Variants in ATP2B1 observed in about 807,000 individuals in gnomAD.
ATP2B1 encodes plasma membrane calcium-transporting ATPase 1.
In ATP2B1, 14 loss-of-function variants were observed where a neutral mutation model predicts 124.2. The observed-to-expected ratio is 0.11, with a 90% CI of 0.07 to 0.18. The LOEUF (loss-of-function observed/expected upper bound fraction) is 0.18. Among genes scored for constraint, ATP2B1 ranks in the 10% least tolerant of loss-of-function variants. ATP2B1 has a pLI of 1.00. For missense variants in ATP2B1, 763 were observed against 1,466.1 expected (o/e 0.52, Z 7.83); for synonymous variants, 449 against 492.4 (o/e 0.91, Z 1.17).
chr12:89,636,803 C>A (rs1358596332), intron 3 of ATP2B1, among the ~76,000 whole-genome samples: 2 of 152,162 alleles, frequency 1.3e-5, no homozygotes, highest in African/African-American at 4.8e-5. Context: ...GCAGGATAAT[C>A]CAACAGAACC....
intron 12 of ATP2B1, among the ~76,000 whole-genome samples, chr12:89,615,063 G>A (rs1878725916): frequency 6.6e-6 from 1 of 152,032 alleles, no homozygotes; most frequent in African/African-American, 2.4e-5. Context: ...AGATCATCTC[G>A]TCTCCCCTTT....
intron 5 of ATP2B1, among the ~76,000 whole-genome samples, chr12:89,632,556 A>G (rs563533458): frequency 6.6e-6 from 1 of 152,202 alleles, no homozygotes; most frequent in Admixed American, 6.5e-5. Context: ...ACCACAGGTA[A>G]TCAGATGTTG....
chr12:89,619,947 C>A lies in ATP2B1; in HGVS notation c.1829+52G>T, dbSNP rs573347484. ...CAACAATAACAACACAGTAGATACT[C>A]CATAAAGCAACTATAGTCAGCAATT... On this transcript the variant is annotated intron_variant, in intron 11 of 20. Coordinates refer to ENST00000428670, the MANE Select transcript of ATP2B1 (RefSeq NM_001366521.1). 3.1e-6 allele frequency: 5 copies of A among 1,597,460 alleles called. No individual in the cohort carries two copies. In the Admixed American group the frequency reaches 6.7e-5, roughly 22 times the overall value.
intron 20 of ATP2B1, among the ~76,000 whole-genome samples, chr12:89,597,235 A>C (rs1376230419): frequency 6.6e-6 from 1 of 152,116 alleles, no homozygotes; most frequent in Non-Finnish European, 1.5e-5. Context: ...AGGAAGAGGC[A>C]TTTTTATTGT....
intron 12 of ATP2B1, among the ~76,000 whole-genome samples, chr12:89,614,507 T>C (rs1220527967): frequency 6.6e-6 from 1 of 152,214 alleles, no homozygotes; most frequent in East Asian, 1.9e-4. Flanking sequence ...GGTTCTCTTA[T>C]TACATTGGTA....
At chr12:89,598,937 T>A (rs1408392645) in intron 20 of ATP2B1, among the ~76,000 whole-genome samples, 180 bp downstream of exon 20, 1 of 152,182 alleles carries the variant, frequency 6.6e-6, no homozygotes, top group African/African-American at 2.4e-5. Context: ...TATAGACACA[T>A]TCTTTCATAA....
At chr12:89,609,099 CAAA>C (rs990694984) in intron 15 of ATP2B1, among the ~76,000 whole-genome samples, 48 of 152,188 alleles carry the variant, frequency 3.2e-4, no homozygotes, top group African/African-American at 1.1e-3. Flanking sequence ...CATTTGTACA[CAAA>C]AACAATCTCT....
chr12:89,606,714 C>T (rs1876956204), intron 15 of ATP2B1, among the ~76,000 whole-genome samples: 1 of 151,748 alleles, frequency 6.6e-6, no homozygotes, highest in Admixed American at 6.6e-5. Flanking sequence ...GCTAAGATTA[C>T]AGTCACACAT....
chr12:89,618,312 C>T (rs1339744545), intron 11 of ATP2B1, among the ~76,000 whole-genome samples: 1 of 152,194 alleles, frequency 6.6e-6, no homozygotes, highest in Admixed American at 6.5e-5. Context: ...AGGCTTCACA[C>T]TAGACAGTTG....
intron 18 of ATP2B1, among the ~76,000 whole-genome samples, chr12:89,602,841 T>C (rs1322477826): frequency 2.6e-5 from 4 of 152,220 alleles, no homozygotes; most frequent in Admixed American, 2.6e-4. Context: ...GTTTGTCTAG[T>C]TGGTTGTGGC....
At position 89,603,992 on chromosome 12, in the gene ATP2B1, C is replaced by T. The variant is rs1325173700; in HGVS notation, c.2635-67G>A. The T allele has an allele frequency of 9.2e-6, 14 of 1,515,394 alleles. No individual in the cohort carries two copies. The African/African-American group carries it at 1.3e-4, about 14-fold the overall frequency. The allele number at this position is 1,515,394 out of a possible 1,614,324, so 93.9% of individuals were successfully genotyped here. ...AGGGGCTCAGCAATTCTCAGGAAAC[C>T]TTTAGGGTTTAAAAACTTGAGAAAC... On this transcript the variant is annotated intron_variant, in intron 16 of 20. Coordinates refer to ENST00000428670, the MANE Select transcript of ATP2B1 (RefSeq NM_001366521.1). This position sits in a 1 kb window ranked among gnomAD's most constrained non-coding sequence, Gnocchi z 4.3.
At chr12:89,637,345 T>G (rs908310109) in intron 3 of ATP2B1, among the ~76,000 whole-genome samples, 3 of 152,196 alleles carry the variant, frequency 2.0e-5, no homozygotes, top group Admixed American at 6.5e-5. Flanking sequence ...CTTCTGAAAT[T>G]AAACTTAGAC....
chr12:89,653,365 C>T lies in ATP2B1; in HGVS notation c.208+2314G>A, dbSNP rs556903446. Among the ~76,000 whole-genome samples the T allele has an allele frequency of 1.7e-3, 257 of 147,276 alleles. 1 individual carries two copies. The highest frequency in any genetic ancestry group is 3.5e-3 in the Middle Eastern group (1 of 288). On this transcript the variant is annotated intron_variant, in intron 2 of 20. Transcript: ENST00000428670. ...ACTGCGGACTGCAGTGGCGCAATCT[C>T]GGCTCACTGCAAGCTCCGCTTCCCG... is the stretch of plus-strand genomic sequence containing the variant.
At chr12:89,617,728 T>C (rs1442232216) in intron 11 of ATP2B1, among the ~76,000 whole-genome samples, 1 of 152,116 alleles carries the variant, frequency 6.6e-6, no homozygotes, top group Non-Finnish European at 1.5e-5. Flanking sequence ...ATCCACATCT[T>C]CTGTTTTGTT....
At chr12:89,683,184 G>A (rs1889562258) in intron 1 of ATP2B1, among the ~76,000 whole-genome samples, 1 of 152,172 alleles carries the variant, frequency 6.6e-6, no homozygotes, top group Non-Finnish European at 1.5e-5. Context: ...GGCAAGGTTT[G>A]GGGGAAACAA....
At chr12:89,649,752 T>C (rs1475189025) in intron 2 of ATP2B1, among the ~76,000 whole-genome samples, 1 of 152,230 alleles carries the variant, frequency 6.6e-6, no homozygotes, top group Non-Finnish European at 1.5e-5. Context: ...CCAAATTTCA[T>C]GCTGAAATGT....
chr12:89,707,916 G>T (rs1248340042), intron 1 of ATP2B1, among the ~76,000 whole-genome samples: 1 of 152,228 alleles, frequency 6.6e-6, no homozygotes, highest in African/African-American at 2.4e-5. Context: ...CCTCAAAAAG[G>T]GAGGTGGGGG....
At chr12:89,648,713 T>C (rs1267981192) in intron 2 of ATP2B1, among the ~76,000 whole-genome samples, 1 of 152,196 alleles carries the variant, frequency 6.6e-6, no homozygotes, top group African/African-American at 2.4e-5. Flanking sequence ...GATAAGGCAA[T>C]GAGAAAAAGG....
rs1365068873 is a variant in ATP2B1 at position 89,682,368 on chromosome 12, G to A, written c.-222+26228C>T. 4.6e-5 allele frequency among the ~76,000 whole-genome samples: 7 copies of A among 151,982 alleles called. No individual in the cohort carries two copies. In the East Asian group the frequency reaches 5.8e-4, roughly 13 times the overall value. On this transcript the variant is annotated intron_variant, in intron 1 of 20. Coordinates refer to ENST00000428670, the MANE Select transcript of ATP2B1 (RefSeq NM_001366521.1). ...CAAGCTGGTGTTTAGTTTAGTTTTC[G>A]TTTAGGGGAAACGAAACATGCAAAA...
Sources: allele counts gnomAD v4.1 joint callset (sites outside exome capture counted in the v4.1 genomes callset), GRCh38; gene constraint gnomAD v4.1.1; non-coding constraint Gnocchi (gnomAD v3.1); transcripts MANE v1.5; gene names NCBI Gene and HGNC (gene_info 2026-07-23, HGNC 2026-07-21).